The following EPG5 variants were observed in gnomAD, a reference collection of about 807,000 sequenced individuals.
EPG5 encodes the protein ectopic P-granules 5 autophagy tethering factor, also known as ectopic P granules protein 5 homolog.
In EPG5, 159 loss-of-function variants were observed where a neutral mutation model predicts 302.7. That is an observed-to-expected ratio of 0.53 (90% confidence interval 0.46 to 0.60). EPG5 has a LOEUF of 0.60. Ranked by LOEUF, EPG5 falls within the 20% of genes least tolerant of loss-of-function variation. EPG5 has a pLI of 0.00. For synonymous variants in EPG5, 1,158 were observed against 1,136.8 expected (o/e 1.02, Z -0.37); for missense variants, 2,896 against 3,092.4 (o/e 0.94, Z 1.51).
chr18:45,876,935 C>T (rs961371383), intron 34 of EPG5, among the ~76,000 whole-genome samples: 12 of 152,056 alleles, frequency 7.9e-5, no homozygotes, highest in Admixed American at 1.3e-4. Context: ...AGGCACCGAC[C>T]ACCACATCCA....
chr18:45,824,259 G>T, the EPG5 span, among the ~76,000 whole-genome samples: 10 of 152,224 alleles, frequency 6.6e-5, no homozygotes, highest in South Asian at 2.1e-4. Flanking sequence ...CAGGCTGGAG[G>T]GCAGTGGCAC....
At chr18:45,881,515 T>C (rs994588673) in intron 31 of EPG5, among the ~76,000 whole-genome samples, 4 of 152,216 alleles carry the variant, frequency 2.6e-5, no homozygotes, top group Non-Finnish European at 2.9e-5. Flanking sequence ...ACTATTTCTA[T>C]GATGTAACAC....
At chr18:45,845,651 T>C (rs1485340765), downstream of EPG5, among the ~76,000 whole-genome samples, 2 of 152,018 alleles carry the variant, frequency 1.3e-5, no homozygotes, top group African/African-American at 2.4e-5. Context: ...AGGAGAGAAA[T>C]GACCCAGAAG....
the EPG5 span, chr18:45,839,247 C>T: frequency 1.0e-5 from 12 of 1,160,810 alleles, no homozygotes; most frequent in East Asian, 3.9e-4. Context: ...GCATGAAGCC[C>T]AGCAGGTGTA....
At chr18:45,801,457 A>T in the EPG5 span, among the ~76,000 whole-genome samples, 1 of 152,122 alleles carries the variant, frequency 6.6e-6, no homozygotes, top group African/African-American at 2.4e-5. Flanking sequence ...CATTTGATGG[A>T]GGGTGCTGGT....
At chr18:45,920,099 C>G (rs771750277) in intron 16 of EPG5, among the ~76,000 whole-genome samples, 4 of 152,204 alleles carry the variant, frequency 2.6e-5, no homozygotes, top group Non-Finnish European at 5.9e-5. Context: ...GAAGTGTTTC[C>G]TCATCATTTC....
At position 45,916,198 on chromosome 18, in the gene EPG5, T is replaced by C. The variant is rs760739462; in HGVS notation, c.3393A>G (p.Ile1131Met). 1 of 1,610,172 alleles carries C rather than the reference T, an allele frequency of 6.2e-7. No homozygotes were observed. Among genetic ancestry groups the C allele is most frequent in the African/African-American group, 1.3e-5 (1 of 74,718 alleles). Reference sequence around the variant, plus strand: ...CTTCATTGGGCTGAGTGCTTACAGATATGTGTGCCTGTGGAGAAAAGGCTC... The same window carrying C: ...CTTCATTGGGCTGAGTGCTTACAGACATGTGTGCCTGTGGAGAAAAGGCTC... Reference protein sequence around the residue: ...KLLNSMIQAHISVSTQPNEVG... With the variant: ...KLLNSMIQAHMSVSTQPNEVG... The change falls in exon 19 of 44, where the codon ATA becomes ATG. Residue 1131 changes from isoleucine to methionine, a missense_variant. Physicochemically the swap from Ile to Met is conservative, Grantham distance 10 (BLOSUM62 1). Transcript: ENST00000282041.
At chr18:45,948,470 A>G (rs952003521) in intron 6 of EPG5, 33 bp downstream of exon 6, 2 of 1,544,194 alleles carry the variant, frequency 1.3e-6, no homozygotes, top group Non-Finnish European at 1.8e-6. Context: ...GAAGCATTTC[A>G]ATCTCTACTT....
rs1180747686 is a variant in EPG5 at position 45,910,713 on chromosome 18, C to T, written c.4013G>A (p.Arg1338Lys). The T allele has an allele frequency of 6.2e-7, 1 of 1,614,086 alleles. No individual in the cohort carries two copies. The highest frequency in any genetic ancestry group is 8.5e-7 in the Non-Finnish European group (1 of 1,180,000). Reference protein sequence around the residue: ...GLPIDGCIGRRFFQSPAHINL... With the variant: ...GLPIDGCIGRKFFQSPAHINL... ...GATATGAGCAGGACTTTGAAAAAAC[C>T]TTCTTCCAATACAACCATCTATGGG... The change falls in exon 23 of 44, where the codon AGG becomes AAG. Residue 1338 changes from arginine to lysine, a missense_variant. This residue lies in a region of EPG5 where 790 missense variants were observed against 798.0 expected (regional missense o/e 0.99). Coordinates refer to ENST00000282041, the MANE Select transcript of EPG5 (RefSeq NM_020964.3).
intron 28 of EPG5, among the ~76,000 whole-genome samples, chr18:45,889,371 T>A (rs1322621039): frequency 6.6e-6 from 1 of 152,226 alleles, no homozygotes; most frequent in Non-Finnish European, 1.5e-5. Flanking sequence ...TGTTCAGTCA[T>A]CTGAGTTGAC....
intron 43 of EPG5, among the ~76,000 whole-genome samples, chr18:45,853,638 T>C (rs923706677): frequency 6.6e-6 from 1 of 152,198 alleles, no homozygotes; most frequent in African/African-American, 2.4e-5. Context: ...ATGTGCTTGA[T>C]TCAAAAACCA....
At chr18:45,876,943 C>G (rs2048983500) in intron 34 of EPG5, among the ~76,000 whole-genome samples, 1 of 152,072 alleles carries the variant, frequency 6.6e-6, no homozygotes, top group South Asian at 2.1e-4. Context: ...ACCACCACAT[C>G]CAGCTAATTT....
chr18:45,809,339 AT>A, the EPG5 span, among the ~76,000 whole-genome samples: 11 of 152,168 alleles, frequency 7.2e-5, no homozygotes, highest in East Asian at 1.9e-4. Flanking sequence ...AACAAAAAAA[AT>A]TGAATTAAAC....
At chr18:45,877,345 G>C (rs144992706) in intron 34 of EPG5, among the ~76,000 whole-genome samples, 343 of 152,280 alleles carry the variant, frequency 2.3e-3, no homozygotes, top group African/African-American at 7.8e-3. Flanking sequence ...CTTGAACCTG[G>C]GAGGCAGAGG....
rs1299211030 is a variant in EPG5 at position 45,912,410 on chromosome 18, C to T, written c.3863G>A (p.Arg1288Lys). 1 of 1,609,580 alleles carries T rather than the reference C, an allele frequency of 6.2e-7. No individual in the cohort carries two copies. Among genetic ancestry groups the T allele is most frequent in the Admixed American group, 1.7e-5 (1 of 58,628 alleles). ...GTGGGCCCAGCGATAAATCAGCAGC[C>T]TCTGGAGGGATGGCACGATGGGGAG... ...LKLPIVPSLQ[R>K]LLIYRWAHQA... is the part of the protein sequence containing the mutation. Residue 1288 changes from arginine (R) to lysine (K), a missense_variant, in exon 22 of 44, where the codon AGG becomes AAG. Arg to Lys is a conservative substitution (Grantham distance 26). Transcript: ENST00000282041.
intron 22 of EPG5, among the ~76,000 whole-genome samples, chr18:45,911,110 C>CACACAT (rs1491456763): frequency 8.4e-4 from 108 of 127,966 alleles, no homozygotes; most frequent in South Asian, 3.7e-3. Flanking sequence ...CACACACACA[C>CACACAT]ATATATATAT....
intron 27 of EPG5, among the ~76,000 whole-genome samples, chr18:45,896,772 C>A (rs1006003209): frequency 6.6e-6 from 1 of 152,142 alleles, no homozygotes; most frequent in African/African-American, 2.4e-5. Flanking sequence ...CTGCTGAACT[C>A]CTGAGCTCAA....
At chr18:45,932,668 G>A (rs142200913) in intron 11 of EPG5, among the ~76,000 whole-genome samples, 1 of 152,286 alleles carries the variant, frequency 6.6e-6, no homozygotes, top group African/African-American at 2.4e-5. Context: ...CAAAGGAGAA[G>A]ATGAAAAAAC....
At chr18:45,830,648 C>T in the EPG5 span, among the ~76,000 whole-genome samples, 1 of 129,530 alleles carries the variant, frequency 7.7e-6, no homozygotes, top group Non-Finnish European at 1.6e-5. Context: ...TGCAGTGGCA[C>T]CATCTCAGCT....
Sources: gnomAD v4.1 joint callset for allele counts (sites outside exome capture counted in the v4.1 genomes callset) on GRCh38, gnomAD v4.1.1 for gene constraint, gnomAD v4.1.1 regional missense constraint, MANE v1.5 for transcripts, NCBI Gene and HGNC (gene_info 2026-07-23, HGNC 2026-07-21) for gene names.